The following POLB variants were observed in gnomAD, a reference collection of about 807,000 sequenced individuals.
POLB encodes DNA polymerase beta.
In POLB, 37 loss-of-function variants were observed where a neutral mutation model predicts 52.7. The ratio of observed to expected loss-of-function variants is 0.70; its 90% CI spans 0.54 to 0.92. POLB has a LOEUF of 0.92. POLB is among the 40% of genes least tolerant of loss of function. The pLI, the probability that POLB is intolerant of heterozygous loss-of-function variation, is 0.00. For missense variants in POLB, 313 were observed against 400.8 expected, an observed-to-expected ratio of 0.78 and a Z score of 1.87; for synonymous variants, 138 against 131.3, an observed-to-expected ratio of 1.05 and a Z score of -0.35.
In POLB at chr8:42,355,577, C is replaced by G. The variant is rs1563399513; in HGVS notation, c.422+10C>G. ...AGCGAATTGGGCTGAAGTAAGATGG[C>G]AGATTTTCTTTTGACACTTGAGATA... On this transcript the variant is annotated intron_variant, in intron 7 of 13. Transcript: ENST00000265421. 1 of 1,566,688 alleles carries G rather than the reference C, an allele frequency of 6.4e-7. No homozygotes were observed. The highest frequency in any genetic ancestry group is 8.8e-7 in the Non-Finnish European group (1 of 1,139,348).
chr8:42,353,005 C>G (rs1252644707), intron 6 of POLB, among the ~76,000 whole-genome samples: 3 of 150,356 alleles, frequency 2.0e-5, no homozygotes, highest in Non-Finnish European at 4.4e-5. Context: ...ACCCGGGAGG[C>G]AGAGGTTGCA....
intron 1 of POLB, 140 bp downstream of exon 1, chr8:42,338,825 G>GAA: frequency 1.0e-6 from 1 of 987,718 alleles, no homozygotes; most frequent in Non-Finnish European, 1.6e-6. Context: ...ATCTCCCTCC[G>GAA]GCGCCCCTGG....
At chr8:42,355,882 A>G (rs1823281966) in intron 7 of POLB, among the ~76,000 whole-genome samples, 1 of 152,210 alleles carries the variant, frequency 6.6e-6, no homozygotes, top group South Asian at 2.1e-4. Flanking sequence ...ACATTGTACA[A>G]AGCACTACAC....
Position 42,369,332 on chromosome 8 carries a change from T to G in POLB, c.770T>G (p.Ile257Ser), listed in dbSNP as rs1180254261. The G allele has an allele frequency of 1.3e-6, 2 of 1,562,510 alleles. No individual in the cohort carries two copies. Among genetic ancestry groups the G allele is most frequent in the Non-Finnish European group, 1.8e-6 (2 of 1,135,000 alleles). ...EKEYPHRRID[I>S]RLIPKDQYYC... ...GAATATCCACACAGAAGAATTGATA[T>G]CAGGTATTGTTCAGACTTTGTTGCT... Residue 257 changes from isoleucine (I) to serine (S), a missense_variant, in exon 12 of 14, where the codon ATC becomes AGC. Physicochemically the swap from Ile to Ser is moderately radical, Grantham distance 142 (BLOSUM62 -2). Around this residue, in one of 3 missense-constraint regions of POLB, gnomAD observed 246 missense variants for 297.6 expected, o/e 0.83. Transcript: ENST00000265421.
chr8:42,364,482 G>T (rs1448060544), intron 11 of POLB, among the ~76,000 whole-genome samples: 2 of 152,044 alleles, frequency 1.3e-5, no homozygotes, highest in African/African-American at 4.8e-5. Context: ...ACCCTCCTTG[G>T]CCTCCCAAAG....
In POLB at chr8:42,343,369, T is replaced by TATACAC. The variant is rs761101423; in HGVS notation, c.120-1583_120-1582insTACACA. 4.4e-3 allele frequency among the ~76,000 whole-genome samples: 158 copies of TATACAC among 36,276 alleles called. 1 individual carries two copies. The highest frequency in any genetic ancestry group is 0.023 in the Middle Eastern group (1 of 44). The allele number at this position is 36,276 out of a possible 152,430, so 23.8% of individuals were successfully genotyped here. ...AAATATATATATATATATATATATA[T>TATACAC]ACACAAAATTAGCCAGGTGTGGTAG... On this transcript the variant is annotated intron_variant, in intron 2 of 13. Transcript: ENST00000265421.
intron 2 of POLB, among the ~76,000 whole-genome samples, chr8:42,343,321 CAAAAAA>C (rs1157325948): frequency 3.5e-4 from 1 of 2,820 alleles, no homozygotes; most frequent in African/African-American, 7.6e-4. Context: ...GACTGCGTCT[CAAAAAA>C]AAAAAAAAAA....
rs1822145724 is a variant in POLB at position 42,340,668 on chromosome 8, A to G, written c.119+1599A>G. Among the ~76,000 whole-genome samples the G allele has an allele frequency of 2.0e-5, 3 of 152,148 alleles. No homozygotes were observed. The South Asian group carries it at 6.2e-4, about 32-fold the overall frequency. ...TTGACTTTGAAATGCCACTTATGTC[A>G]GTGACTCCAAATCTGTGTATCACTG... is the stretch of plus-strand genomic sequence containing the variant. On this transcript the variant is annotated intron_variant, in intron 2 of 13. Coordinates refer to ENST00000265421, the MANE Select transcript of POLB (RefSeq NM_002690.3).
intron 7 of POLB, 30 bp downstream of exon 7, chr8:42,355,597 G>C: frequency 6.8e-7 from 1 of 1,468,708 alleles, no homozygotes. Context: ...TTTGACACTT[G>C]AGATATAAAA....
Position 42,345,024 on chromosome 8 carries a change from GT to G in POLB, c.186+8del. On this transcript the variant is annotated splice_donor_region_variant and intron_variant, in intron 3 of 13. Transcript: ENST00000265421. The stretch of plus-strand genomic sequence containing the variant: ...GGAGCTGAAGCTAAGAAATTGGTAA[GT>G]TTAGTTAGCATGTTGATCGAAGAGT... The G allele has an allele frequency of 6.3e-7, 1 of 1,596,630 alleles. No individual in the cohort carries two copies. The highest frequency in any genetic ancestry group is 8.6e-7 in the Non-Finnish European group (1 of 1,164,088).
At chr8:42,358,648 A>G (rs761185538) in intron 9 of POLB, among the ~76,000 whole-genome samples, 3 of 152,224 alleles carry the variant, frequency 2.0e-5, no homozygotes, top group Non-Finnish European at 4.4e-5. Context: ...GTGATGGCCT[A>G]TCAGGAATAC....
chr8:42,368,371 G>T (rs1369729779), intron 11 of POLB, among the ~76,000 whole-genome samples: 1 of 152,168 alleles, frequency 6.6e-6, no homozygotes, highest in African/African-American at 2.4e-5. Flanking sequence ...TAAAGAATTA[G>T]TTTAGATTTT....
At chr8:42,360,344 C>T (rs1823599054) in intron 9 of POLB, among the ~76,000 whole-genome samples, 1 of 152,032 alleles carries the variant, frequency 6.6e-6, no homozygotes, top group Non-Finnish European at 1.5e-5. Flanking sequence ...GTGGGAGGAT[C>T]GCAAAGACAC....
chr8:42,361,330 A>ACCCATCCC lies in POLB; in HGVS notation c.587_594dup (p.Ser199ProfsTer64). 7 of 1,612,902 alleles carry ACCCATCCC rather than the reference A, an allele frequency of 4.3e-6. No individual in the cohort carries two copies. Among genetic ancestry groups the ACCCATCCC allele is most frequent in the Non-Finnish European group, 5.9e-6 (7 of 1,178,862 alleles). On this transcript the variant is annotated frameshift_variant, in exon 10 of 14. Transcript: ENST00000265421. LOFTEE classifies it high-confidence loss of function. Reference sequence around the variant, plus strand: ...CAGTGGTGACATGGATGTTCTCCTGACCCATCCCAGCTTCACTTCAGAATC... The same window carrying ACCCATCCC: ...CAGTGGTGACATGGATGTTCTCCTGACCCATCCCCCCATCCCAGCTTCACTTCAGAATC...
chr8:42,344,567 G>C (rs1326143085), intron 2 of POLB, among the ~76,000 whole-genome samples: 11 of 152,052 alleles, frequency 7.2e-5, no homozygotes, highest in Admixed American at 3.3e-4. Flanking sequence ...AGGCGCAGTG[G>C]CTCACTCCTG....
In POLB at chr8:42,338,554, C is replaced by A. The variant is rs1437664729; in HGVS notation, c.-71C>A. ...CTGCTCCCGTCTCCAAGTCCTGGTA[C>A]CTCCTTCAAGCTGGGAGAGGGCTCT... is the stretch of plus-strand genomic sequence containing the variant. On this transcript the variant is annotated 5_prime_UTR_variant, in exon 1 of 14. Transcript: ENST00000265421. 4.4e-6 allele frequency: 6 copies of A among 1,363,488 alleles called. No homozygotes were observed. Among genetic ancestry groups the A allele is most frequent in the Non-Finnish European group, 5.2e-6 (5 of 952,448 alleles). 84.5% of individuals were successfully genotyped at this position (1,363,488 alleles called of 1,614,324 possible).
chr8:42,370,059 T>G, intron 13 of POLB, 71 bp downstream of exon 13: 1 of 1,234,370 alleles, frequency 8.1e-7, no homozygotes, highest in Non-Finnish European at 1.2e-6. Flanking sequence ...GATACTTTGG[T>G]TTAGCAAACC....
At chr8:42,348,354 G>A (rs1409419776) in intron 3 of POLB, among the ~76,000 whole-genome samples, 1 of 152,214 alleles carries the variant, frequency 6.6e-6, no homozygotes, top group Non-Finnish European at 1.5e-5. Context: ...TGGCCATTGA[G>A]TTCTTGAAAC....
rs201416398 is a variant in POLB at position 42,352,580 on chromosome 8, T to C, written c.370+12T>C. 1 of 1,510,034 alleles carries C rather than the reference T, an allele frequency of 6.6e-7. No homozygotes were observed. The highest frequency in any genetic ancestry group is 9.2e-7 in the Non-Finnish European group (1 of 1,085,230). The allele number at this position is 1,510,034 out of a possible 1,614,324, so 93.5% of individuals were successfully genotyped here. On this transcript the variant is annotated intron_variant, in intron 6 of 13. Transcript: ENST00000265421. The stretch of plus-strand genomic sequence containing the variant: ...TAAAACACTAGAAGGTGAGTATGAC[T>C]GTAGGTCACTAATTCCAGATTAAAT...
Sources: allele counts gnomAD v4.1 joint callset (sites outside exome capture counted in the v4.1 genomes callset), GRCh38; gene constraint gnomAD v4.1.1; regional missense constraint gnomAD v4.1.1; transcripts MANE v1.5; gene names NCBI Gene and HGNC (gene_info 2026-07-23, HGNC 2026-07-21).